LUZP2: variants seen among roughly 807,000 people sequenced by gnomAD.
LUZP2 encodes the protein leucine zipper protein 2.
Under a neutral mutation model 51.6 loss-of-function variants are expected in LUZP2, and 52 were observed. That is an observed-to-expected ratio of 1.01 (90% confidence interval 0.81 to 1.27). The LOEUF is 1.27. Among genes scored for constraint, LUZP2 ranks in the 50% most tolerant of loss-of-function variants. LUZP2 has a pLI of 0.00. For missense variants in LUZP2, 436 were observed against 395.4 expected, an observed-to-expected ratio of 1.10 and a Z score of -0.87; for synonymous variants, 154 against 137.3, an observed-to-expected ratio of 1.12 and a Z score of -0.85.
At chr11:24,713,684 T>TC (rs1491489743) in intron 1 of LUZP2, among the ~76,000 whole-genome samples, 1 of 5,640 alleles carries the variant, frequency 1.8e-4, no homozygotes, top group African/African-American at 3.5e-4. Context: ...TGAGAATCTG[T>TC]TTTTTTTTTT....
intron 7 of LUZP2, among the ~76,000 whole-genome samples, chr11:24,915,582 T>C (rs990143370): frequency 6.6e-6 from 1 of 152,084 alleles, no homozygotes; most frequent in East Asian, 1.9e-4. Flanking sequence ...GACTGTTTCT[T>C]TTACAGATAA....
chr11:24,643,950 C>T (rs1348471576), intron 1 of LUZP2, among the ~76,000 whole-genome samples: 2 of 152,084 alleles, frequency 1.3e-5, no homozygotes, highest in East Asian at 1.9e-4. Context: ...CAACTGATGC[C>T]AGGTCAGCCT....
In LUZP2 at chr11:24,738,297, G is replaced by A; in HGVS notation, c.328G>A (p.Ala110Thr). The A allele has an allele frequency of 1.2e-6, 2 of 1,611,078 alleles. No individual in the cohort carries two copies. Among genetic ancestry groups the A allele is most frequent in the African/African-American group, 1.3e-5 (1 of 74,916 alleles). ...ATCAGAGAAAGCAGAAAAACACCAG[G>A]CTACTGTAAGTGTGTTTCTTCTTTG... ...ETSEKAEKHQATINFLKTEVE... is the reference protein window; with the variant it reads ...ETSEKAEKHQTTINFLKTEVE... Residue 110 changes from alanine (A) to threonine (T), a missense_variant, in exon 4 of 12, where the codon GCT (alanine) becomes ACT (threonine). By Grantham distance (58) the Ala-to-Thr change is moderately conservative. Transcript: ENST00000336930.
chr11:24,665,650 G>T (rs537649952), intron 1 of LUZP2, among the ~76,000 whole-genome samples: 2 of 151,974 alleles, frequency 1.3e-5, no homozygotes, highest in African/African-American at 2.4e-5. Context: ...TTTGTCATGC[G>T]CTCGGATGGT....
chr11:24,868,285 G>T (rs1185631999), intron 5 of LUZP2, among the ~76,000 whole-genome samples: 3 of 151,928 alleles, frequency 2.0e-5, no homozygotes, highest in Non-Finnish European at 2.9e-5. Context: ...TGGCACAAAA[G>T]AAATCTACAA....
At chr11:25,023,195 A>T (rs138535638) in intron 9 of LUZP2, among the ~76,000 whole-genome samples, 4,676 of 152,034 alleles carry the variant, frequency 0.031, 211 homozygotes, top group African/African-American at 0.1. Context: ...CTCTTTTTCT[A>T]TTGATTGGAA....
intron 5 of LUZP2, among the ~76,000 whole-genome samples, chr11:24,873,889 A>G (rs1434055141): frequency 1.3e-5 from 2 of 152,184 alleles, no homozygotes; most frequent in Non-Finnish European, 2.9e-5. Context: ...AGAAAATTGT[A>G]TAAAATAGTA....
chr11:24,822,287 C>A (rs1156601955), intron 5 of LUZP2, among the ~76,000 whole-genome samples: 3 of 152,084 alleles, frequency 2.0e-5, no homozygotes, highest in Non-Finnish European at 4.4e-5. Flanking sequence ...CCATCCTGAG[C>A]TGAATGGATC....
At chr11:24,716,903 T>A (rs11028118) in intron 1 of LUZP2, among the ~76,000 whole-genome samples, 50,104 of 144,096 alleles carry the variant, frequency 0.35, 8,996 homozygotes, top group Non-Finnish European at 0.42. Context: ...CTCAAAAAAA[T>A]TTTTTTAATA....
intron 5 of LUZP2, among the ~76,000 whole-genome samples, chr11:24,837,142 T>C (rs2631483): frequency 0.16 from 23,716 of 151,658 alleles, 2,059 homozygotes; most frequent in African/African-American, 0.22. Flanking sequence ...CTGACATTTC[T>C]GACATATATT....
intron 1 of LUZP2, among the ~76,000 whole-genome samples, chr11:24,505,995 C>A (rs755754881): frequency 6.6e-6 from 1 of 152,070 alleles, no homozygotes; most frequent in Non-Finnish European, 1.5e-5. Flanking sequence ...AGATTACCTA[C>A]AGGTGGCAGG....
intron 5 of LUZP2, among the ~76,000 whole-genome samples, chr11:24,865,702 A>G (rs1436763387): frequency 7.8e-6 from 1 of 127,914 alleles, no homozygotes; most frequent in Non-Finnish European, 1.6e-5. Context: ...TATATGTTAT[A>G]TGTTTGTGTA....
intron 1 of LUZP2, among the ~76,000 whole-genome samples, chr11:24,502,737 T>C (rs1450075754): frequency 6.6e-6 from 1 of 152,150 alleles, no homozygotes; most frequent in Admixed American, 6.5e-5. Context: ...ACCATGAAAA[T>C]CTGGAATATT....
At chr11:24,661,753 G>A (rs1856028955) in intron 1 of LUZP2, among the ~76,000 whole-genome samples, 1 of 152,162 alleles carries the variant, frequency 6.6e-6, no homozygotes, top group South Asian at 2.1e-4. Flanking sequence ...TAAATATGGT[G>A]AAATAGTAAC....
chr11:24,793,070 G>A (rs936451384), intron 5 of LUZP2, among the ~76,000 whole-genome samples: 15 of 152,124 alleles, frequency 9.9e-5, no homozygotes, highest in African/African-American at 3.6e-4. Flanking sequence ...ATTAACTGTG[G>A]ATTTGTTTCT....
At chr11:24,508,142 AT>A (rs1850195694) in intron 1 of LUZP2, among the ~76,000 whole-genome samples, 2 of 152,106 alleles carry the variant, frequency 1.3e-5, no homozygotes, top group Admixed American at 1.3e-4. Flanking sequence ...CTTGGCCAAC[AT>A]TATAACTGGT....
chr11:24,829,825 G>A (rs1189100235), intron 5 of LUZP2, among the ~76,000 whole-genome samples: 1 of 152,184 alleles, frequency 6.6e-6, no homozygotes, highest in Non-Finnish European at 1.5e-5. Flanking sequence ...ATTTCTAAGT[G>A]TCTGTGATTT....
chr11:24,976,566 A>G (rs1000025445), intron 7 of LUZP2, 25 bp from the exon 8 acceptor site: 22 of 1,530,444 alleles, frequency 1.4e-5, no homozygotes, highest in Non-Finnish European at 1.9e-5. Context: ...GAATTTATCT[A>G]GAAGATTTAT....
chr11:24,937,047 AACACACAC>A (rs138164177), intron 7 of LUZP2, among the ~76,000 whole-genome samples: 9 of 149,608 alleles, frequency 6.0e-5, no homozygotes, highest in African/African-American at 2.2e-4. Context: ...TGCAATGAGA[AACACACAC>A]ACACACACAC....
Sources: allele counts gnomAD v4.1 joint callset (sites outside exome capture counted in the v4.1 genomes callset), GRCh38; gene constraint gnomAD v4.1.1; transcripts MANE v1.5; gene names NCBI Gene and HGNC (gene_info 2026-07-23, HGNC 2026-07-21).